Variants in RCCD1 observed in about 807,000 individuals in gnomAD.
RCCD1 encodes RCC1 domain-containing protein 1.
In RCCD1, 40 loss-of-function variants were observed where a neutral mutation model predicts 37.6. That is an observed-to-expected ratio of 1.06 (90% CI 0.83 to 1.39). The LOEUF (loss-of-function observed/expected upper bound fraction) is 1.39, where lower values mean the gene tolerates loss of function less well. RCCD1 is among the 40% of genes most tolerant of loss of function. RCCD1 has a pLI of 0.00. For synonymous variants in RCCD1, 263 were observed against 230.0 expected (o/e 1.14, Z -1.30); for missense variants, 577 against 517.3 (o/e 1.12, Z -1.12).
intron 6 of RCCD1, 53 bp downstream of exon 6, chr15:90,960,551 G>T (rs569383986): frequency 2.3e-5 from 36 of 1,546,742 alleles, no homozygotes; most frequent in Non-Finnish European, 3.0e-5. Context: ...CCTACGGAAG[G>T]GGGTGTGGTC....
chr15:90,958,645 A>G (rs1380531650), intron 4 of RCCD1, among the ~76,000 whole-genome samples: 24 of 150,900 alleles, frequency 1.6e-4, no homozygotes, highest in African/African-American at 2.7e-4. Flanking sequence ...AAAAAAAAAA[A>G]AAAAGAAAAG....
In RCCD1 at chr15:90,963,004, A is replaced by T. The variant is rs541003926; in HGVS notation, c.*1235A>T. On this transcript the variant is annotated 3_prime_UTR_variant, in exon 8 of 8. Coordinates refer to ENST00000394258, the MANE Select transcript of RCCD1 (RefSeq NM_001017919.2). ...CTTTATAGTTAAATTCTATTTGTGC[A>T]TGTGTGTGTCTGTGGTTTAGCAAAT... 1 of 152,194 alleles carries T rather than the reference A, an allele frequency of 6.6e-6. No homozygotes were observed. Among genetic ancestry groups the T allele is most frequent in the Non-Finnish European group, 1.5e-5 (1 of 68,038 alleles). 9.4% of individuals were successfully genotyped at this position (152,194 alleles called of 1,614,324 possible).
intron 7 of RCCD1, 187 bp downstream of exon 7, chr15:90,961,241 G>A (rs2037308730): frequency 1.6e-6 from 1 of 616,910 alleles, no homozygotes; most frequent in Non-Finnish European, 2.9e-6. Context: ...AGGCCAGACA[G>A]GGGAGACATG....
intron 4 of RCCD1, 30 bp downstream of exon 4, chr15:90,957,755 C>A: frequency 6.4e-7 from 1 of 1,572,606 alleles, no homozygotes. Flanking sequence ...TCCAGACGAG[C>A]TCATGATCTT....
At position 90,957,458 on chromosome 15, in the gene RCCD1, TGCTGCTGGAC is replaced by T. The variant is rs1420750462; in HGVS notation, c.521_530del (p.Asp174AlafsTer34). The T allele has an allele frequency of 1.3e-6, 2 of 1,542,272 alleles. No homozygotes were observed. Among genetic ancestry groups the T allele is most frequent in the Non-Finnish European group, 1.7e-6 (2 of 1,147,562 alleles). ...CTGGAGCTGGGCGCCGAGCACGCGTTGCTGCTGGACGCTGCTGGCCAGGTGTTCTCCTGGG... is the reference window on the plus strand; with the variant it reads ...CTGGAGCTGGGCGCCGAGCACGCGTTGCTGCTGGCCAGGTGTTCTCCTGGG... On this transcript the variant is annotated frameshift_variant, in exon 3 of 8. Transcript: ENST00000394258. LOFTEE classifies it high-confidence loss of function.
In RCCD1 at chr15:90,959,952, G is replaced by C; in HGVS notation, c.732G>C (p.Leu244=). The change falls in exon 5 of 8, where the codon CTG becomes CTC. Residue 244 remains leucine (L), a synonymous_variant. Coordinates refer to ENST00000394258, the MANE Select transcript of RCCD1 (RefSeq NM_001017919.2). ...GGAATGAATCAGGGCAGCTGGCCCT[G>C]CCCACCAGGAACCTGGCAGAGGATG... The part of the protein sequence containing the change: ...WGWNESGQLA[L]PTRNLAEDGE... The C allele has an allele frequency of 1.9e-6, 3 of 1,613,760 alleles. No homozygotes were observed. Among genetic ancestry groups the C allele is most frequent in the Non-Finnish European group, 2.5e-6 (3 of 1,179,890 alleles).
chr15:90,959,107 C>T (rs1235423699), intron 4 of RCCD1, among the ~76,000 whole-genome samples: 1 of 152,150 alleles, frequency 6.6e-6, no homozygotes, highest in Non-Finnish European at 1.5e-5. Context: ...TTCCTAGTTT[C>T]AGATCATTGC....
chr15:90,961,740 G>T lies in RCCD1; in HGVS notation c.1102G>T (p.Val368Leu). The change falls in exon 8 of 8, where the codon GTG (valine) becomes TTG (leucine). Residue 368 changes from valine to leucine, a missense_variant. Val to Leu is a conservative substitution (Grantham distance 32, BLOSUM62 1). Transcript: ENST00000394258. ...AVTCGPWNTY[V>L]YAVEKGKS is the part of the protein sequence containing the mutation. ...CACCTGTGGGCCGTGGAACACCTAC[G>T]TGTATGCTGTGGAGAAAGGGAAGAG... 1 of 1,614,050 alleles carries T rather than the reference G, an allele frequency of 6.2e-7. No homozygotes were observed. Among genetic ancestry groups the T allele is most frequent in the Non-Finnish European group, 8.5e-7 (1 of 1,179,974 alleles).
At chr15:90,959,796 G>A in intron 4 of RCCD1, 104 bp from the exon 5 acceptor site, 1 of 878,140 alleles carries the variant, frequency 1.1e-6, no homozygotes, top group Middle Eastern at 3.1e-4. Flanking sequence ...CCTTGGGCAG[G>A]GCAGGCTTTA....
In RCCD1 at chr15:90,960,128, T is replaced by C. The variant is rs930769232; in HGVS notation, c.778+130T>C. ...TGTGAGCCCCTTATGGGAGGGAGCA[T>C]TGGCAAGGCTGATGCCGGTCTTGGC... On this transcript the variant is annotated intron_variant, in intron 5 of 7. Transcript: ENST00000394258. 2.5e-5 allele frequency: 23 copies of C among 931,076 alleles called. No individual in the cohort carries two copies. In the South Asian group the frequency reaches 3.2e-4, roughly 13 times the overall value. The allele number at this position is 931,076 out of a possible 1,614,324, so 57.7% of individuals were successfully genotyped here. A position where few individuals can be genotyped will look rare whatever the true frequency, so the allele number is the denominator to read the frequency against.
chr15:90,960,860 C>T (rs564067165), intron 6 of RCCD1, 165 bp from the exon 7 acceptor site: 4 of 744,840 alleles, frequency 5.4e-6, no homozygotes, highest in African/African-American at 1.7e-5. Context: ...GATCCTCTGC[C>T]ATGCCACGTG....
At position 90,961,322 on chromosome 15, in the gene RCCD1, C is replaced by A. The variant is rs1259396817; in HGVS notation, c.979+268C>A. 8.6e-6 allele frequency: 5 copies of A among 583,620 alleles called. No homozygotes were observed. The Admixed American group carries it at 1.2e-4, about 14-fold the overall frequency. The allele number at this position is 583,620 out of a possible 1,614,324, so 36.2% of individuals were successfully genotyped here. A position where few individuals can be genotyped will look rare whatever the true frequency, so the allele number is the denominator to read the frequency against. Reference sequence around the variant, plus strand: ...TAAGGGAGTATCCAACCAGCACTTACAAAGCAGCTTTTTGTGGATGTGACA... The same window carrying A: ...TAAGGGAGTATCCAACCAGCACTTAAAAAGCAGCTTTTTGTGGATGTGACA... On this transcript the variant is annotated intron_variant, in intron 7 of 7. Coordinates refer to ENST00000394258, the MANE Select transcript of RCCD1 (RefSeq NM_001017919.2).
rs200580039 is a variant in RCCD1 at position 90,961,676 on chromosome 15, G to T, written c.1038G>T (p.Val346=). The T allele has an allele frequency of 2.1e-4, 343 of 1,614,180 alleles. 1 individual carries two copies. The highest frequency in any genetic ancestry group is 1.3e-3 in the Middle Eastern group (8 of 6,056). ...CCAGCTTGGATCGGCCTCGCCGTGT[G>T]GAATACTTTGTAGATAAGCAACTCC... is the stretch of plus-strand genomic sequence containing the variant. ...DTTSLDRPRR[V]EYFVDKQLQV... The change falls in exon 8 of 8, where the codon GTG becomes GTT. Residue 346 remains valine (V), a synonymous_variant. Transcript: ENST00000394258.
At position 90,960,438 on chromosome 15, in the gene RCCD1, C is replaced by T. The variant is rs759029457; in HGVS notation, c.889C>T (p.Pro297Ser). ...GCCCTTCCCGGCATTACTGGATCTC[C>T]CCATGGGCTCAGATGCAGTCAAGGC... ...VQPFPALLDL[P>S]MGSDAVKASC... Residue 297 changes from proline (P) to serine (S), a missense_variant, in exon 6 of 8, where the codon CCC becomes TCC. By Grantham distance (74) the Pro-to-Ser change is moderately conservative. Transcript: ENST00000394258. 6.2e-7 allele frequency: 1 copy of T among 1,613,424 alleles called. No homozygotes were observed. The highest frequency in any genetic ancestry group is 8.5e-7 in the Non-Finnish European group (1 of 1,180,002).
At chr15:90,957,555 G>A (rs1308947620) in intron 3 of RCCD1, 49 bp from the exon 4 acceptor site, 1 of 1,611,358 alleles carries the variant, frequency 6.2e-7, no homozygotes, top group South Asian at 1.1e-5. Flanking sequence ...AGCAAGCGGA[G>A]CGGGACCCCT....
Position 90,956,879 on chromosome 15 carries a change from A to T in RCCD1, c.145A>T (p.Ser49Cys). The T allele has an allele frequency of 7.7e-7, 1 of 1,291,348 alleles. No homozygotes were observed. The highest frequency in any genetic ancestry group is 3.4e-5 in the Admixed American group (1 of 29,452). The allele number at this position is 1,291,348 out of a possible 1,614,324, so 80.0% of individuals were successfully genotyped here. ...CATCTGCCGCGTGAGCGCGAGCTGG[A>T]GCTACACCGCTTTCGTGACCCGTGA... ...VDICRVSASW[S>C]YTAFVTRGGR... The change falls in exon 2 of 8, where the codon AGC (serine) becomes TGC (cysteine). Residue 49 changes from serine (S) to cysteine (C), a missense_variant. Ser to Cys is a moderately radical substitution (Grantham distance 112). Coordinates refer to ENST00000394258, the MANE Select transcript of RCCD1 (RefSeq NM_001017919.2).
chr15:90,956,122 C>T (rs543200372), intron 1 of RCCD1, among the ~76,000 whole-genome samples: 6 of 152,330 alleles, frequency 3.9e-5, no homozygotes, highest in South Asian at 2.1e-4. Flanking sequence ...GGTGGATTGG[C>T]TGCGGTCCCA....
rs766838292 is a variant in RCCD1 at position 90,956,813 on chromosome 15, C to T, written c.79C>T (p.Arg27Cys). The T allele has an allele frequency of 1.5e-6, 2 of 1,306,970 alleles. No homozygotes were observed. The highest frequency in any genetic ancestry group is 1.9e-6 in the Non-Finnish European group (2 of 1,028,076). The allele number at this position is 1,306,970 out of a possible 1,614,324, so 81.0% of individuals were successfully genotyped here. A position where few individuals can be genotyped will look rare whatever the true frequency, so the allele number is the denominator to read the frequency against. ...GCAGGAGCTGGGCTCCGGACGCGGG[C>T]GCCAGGTGCACAGCCCCAGTCCGCT... is the stretch of plus-strand genomic sequence containing the variant. ...FGQELGSGRGRQVHSPSPLRA... is the reference protein window; with the variant it reads ...FGQELGSGRGCQVHSPSPLRA... The change falls in exon 2 of 8, where the codon CGC becomes TGC. Residue 27 changes from arginine to cysteine, a missense_variant. Coordinates refer to ENST00000394258, the MANE Select transcript of RCCD1 (RefSeq NM_001017919.2).
intron 5 of RCCD1, 150 bp downstream of exon 5, chr15:90,960,148 C>T: frequency 1.1e-6 from 1 of 908,666 alleles, no homozygotes. Flanking sequence ...TGATGCCGGT[C>T]TTGGCACAAC....
Sources: gnomAD v4.1 joint callset for allele counts (sites outside exome capture counted in the v4.1 genomes callset) on GRCh38, gnomAD v4.1.1 for gene constraint, MANE v1.5 for transcripts, NCBI Gene and HGNC (gene_info 2026-07-23, HGNC 2026-07-21) for gene names.